SLC16A5: variants seen among roughly 807,000 people sequenced by gnomAD.
SLC16A5 encodes monocarboxylate transporter 6.
Under a neutral mutation model 33.2 loss-of-function variants are expected in SLC16A5, and 29 were observed. The ratio of observed to expected loss-of-function variants is 0.87; its 90% CI spans 0.65 to 1.19. The LOEUF (loss-of-function observed/expected upper bound fraction) is 1.19, where lower values mean the gene tolerates loss of function less well. Ranked by LOEUF, SLC16A5 falls within the 50% of genes most tolerant of loss-of-function variation. SLC16A5 has a pLI of 0.00. For synonymous variants in SLC16A5, 248 were observed against 284.1 expected, an observed-to-expected ratio of 0.87 and a Z score of 1.28; for missense variants, 606 against 678.2, an observed-to-expected ratio of 0.89 and a Z score of 1.18.
intron 2 of SLC16A5, among the ~76,000 whole-genome samples, chr17:75,089,678 C>T (rs1462916936): frequency 1.3e-5 from 2 of 150,348 alleles, no homozygotes; most frequent in African/African-American, 4.9e-5. Context: ...TGCTTGAACC[C>T]GGGAGGCAGA....
chr17:75,097,973 CCA>C, intron 3 of SLC16A5, 63 bp from the exon 4 acceptor site: 1 of 1,496,936 alleles, frequency 6.7e-7, no homozygotes, highest in Non-Finnish European at 8.8e-7. Flanking sequence ...CCCTCTCCAG[CCA>C]CTCTCCTCCT....
intron 3 of SLC16A5, 132 bp downstream of exon 3, chr17:75,093,967 C>A: frequency 7.6e-7 from 1 of 1,316,092 alleles, no homozygotes; most frequent in Non-Finnish European, 1.0e-6. Flanking sequence ...AAGGTTTCAC[C>A]AGATTTCACC....
rs1189032846 is a variant in SLC16A5 at position 75,100,708 on chromosome 17, A to G, written c.1045A>G (p.Ile349Val). ...GTCCATGAGTGGCATCGGCGCCCTC[A>G]TCTTCCAGGTTCTCATGGACATCGT... is the stretch of plus-strand genomic sequence containing the variant. ...SVSMSGIGAL[I>V]FQVLMDIVPM... The change falls in exon 5 of 7, where the codon ATC becomes GTC. Residue 349 changes from isoleucine (I) to valine (V), a missense_variant. Physicochemically the swap from Ile to Val is conservative, Grantham distance 29. Transcript: ENST00000329783. The G allele has an allele frequency of 1.2e-6, 2 of 1,614,118 alleles. No homozygotes were observed. Among genetic ancestry groups the G allele is most frequent in the African/African-American group, 1.3e-5 (1 of 75,010 alleles).
At chr17:75,100,914 C>A in intron 5 of SLC16A5, 98 bp downstream of exon 5, 1 of 1,223,138 alleles carries the variant, frequency 8.2e-7, no homozygotes, top group Non-Finnish European at 1.1e-6. Context: ...GGTTGTGCTA[C>A]AGCTGGTTTC....
intron 6 of SLC16A5, chr17:75,105,172 G>A: frequency 1.0e-6 from 1 of 985,482 alleles, no homozygotes; most frequent in Non-Finnish European, 1.2e-6. Context: ...CCTGGCGCCT[G>A]TGCAGAGAAC....
At chr17:75,095,189 G>A (rs9902958) in intron 3 of SLC16A5, among the ~76,000 whole-genome samples, 7,830 of 152,278 alleles carry the variant, frequency 0.051, 680 homozygotes, top group African/African-American at 0.17. Flanking sequence ...CGGAGAAAGC[G>A]CCACCCTCCT....
chr17:75,094,940 G>T (rs867032960), intron 3 of SLC16A5, among the ~76,000 whole-genome samples: 1 of 152,312 alleles, frequency 6.6e-6, no homozygotes, highest in Middle Eastern at 3.4e-3. Context: ...AGTCGCCGTG[G>T]ACACAGGGAC....
chr17:75,104,283 C>G lies in SLC16A5; in HGVS notation c.1364+103C>G, dbSNP rs528362171. Reference sequence around the variant, plus strand: ...GTCTCAGCCCAGCCCAGGAGGGGGACCTCTAGCTCCTTCACCAGGGGCTTG... The same window carrying G: ...GTCTCAGCCCAGCCCAGGAGGGGGAGCTCTAGCTCCTTCACCAGGGGCTTG... On this transcript the variant is annotated intron_variant, in intron 6 of 6. Transcript: ENST00000329783. 4.0e-6 allele frequency: 6 copies of G among 1,517,350 alleles called. No homozygotes were observed. In the African/African-American group the frequency reaches 8.3e-5, roughly 21 times the overall value. 94.0% of individuals were successfully genotyped at this position (1,517,350 alleles called of 1,614,324 possible).
downstream of SLC16A5, among the ~76,000 whole-genome samples, chr17:75,106,831 G>C (rs945491439): frequency 2.6e-5 from 4 of 152,050 alleles, no homozygotes; most frequent in African/African-American, 9.7e-5. Context: ...AGAGGAAGAG[G>C]TTGTGGTGAG....
At chr17:75,107,810 G>T (rs2073874062), downstream of SLC16A5, among the ~76,000 whole-genome samples, 1 of 152,114 alleles carries the variant, frequency 6.6e-6, no homozygotes, top group Admixed American at 6.5e-5. Context: ...CGTGGCGGGT[G>T]CCTGTAGTCC....
intron 1 of SLC16A5, among the ~76,000 whole-genome samples, chr17:75,088,698 G>T (rs556484351): frequency 6.6e-6 from 1 of 152,122 alleles, no homozygotes; most frequent in Non-Finnish European, 1.5e-5. Flanking sequence ...TTTCCAGCCC[G>T]GGGCTCTCCC....
intron 3 of SLC16A5, among the ~76,000 whole-genome samples, chr17:75,097,511 T>C (rs1598150219): frequency 1.4e-5 from 1 of 70,726 alleles, no homozygotes; most frequent in African/African-American, 5.7e-5. Context: ...GGCCCAGGGT[T>C]CCCCTCAGCT....
At chr17:75,101,670 T>C (rs2073801561) in intron 5 of SLC16A5, among the ~76,000 whole-genome samples, 2 of 151,528 alleles carry the variant, frequency 1.3e-5, no homozygotes, top group African/African-American at 4.8e-5. Context: ...GGTCTTGCTC[T>C]GTCACCCAGG....
At chr17:75,102,112 G>C (rs1056362729) in intron 5 of SLC16A5, among the ~76,000 whole-genome samples, 1 of 152,094 alleles carries the variant, frequency 6.6e-6, no homozygotes, top group Non-Finnish European at 1.5e-5. Context: ...TTGAGCCACA[G>C]TGCCATCTGC....
At chr17:75,104,256 CTG>C (rs2073836353) in intron 6 of SLC16A5, 76 bp downstream of exon 6, 1 of 1,561,472 alleles carries the variant, frequency 6.4e-7, no homozygotes, top group Non-Finnish European at 8.7e-7. Context: ...TGAGTGAACA[CTG>C]TCTCAGCCCA....
chr17:75,100,454 T>C lies in SLC16A5; in HGVS notation c.791T>C (p.Met264Thr). ...CAAGTCTTCCTGGTGCCATATGCCA[T>C]GTGGCACAGCGTGGACGAGCAGCAG... ...LPQVFLVPYA[M>T]WHSVDEQQAA... Residue 264 changes from methionine (M) to threonine (T), a missense_variant, in exon 5 of 7, where the codon ATG becomes ACG. By Grantham distance (81) the Met-to-Thr change is moderately conservative. Coordinates refer to ENST00000329783, the MANE Select transcript of SLC16A5 (RefSeq NM_004695.4). 1 of 1,614,252 alleles carries C rather than the reference T, an allele frequency of 6.2e-7. No homozygotes were observed. The highest frequency in any genetic ancestry group is 8.5e-7 in the Non-Finnish European group (1 of 1,180,046).
intron 5 of SLC16A5, among the ~76,000 whole-genome samples, chr17:75,102,185 A>C (rs2073808485): frequency 6.6e-6 from 1 of 152,092 alleles, no homozygotes; most frequent in African/African-American, 2.4e-5. Flanking sequence ...CTGGGTGTGC[A>C]TGGGGATCAA....
Position 75,100,746 on chromosome 17 carries a change from G to C in SLC16A5, c.1083G>C (p.Gln361His). The C allele has an allele frequency of 6.2e-7, 1 of 1,614,000 alleles. No individual in the cohort carries two copies. The highest frequency in any genetic ancestry group is 1.3e-5 in the African/African-American group (1 of 75,030). ...QVLMDIVPMD[Q>H]FPRALGLFTV... is the part of the protein sequence containing the mutation. ...TCATGGACATCGTCCCCATGGATCA[G>C]TTCCCCAGAGCCCTGGGACTCTTCA... Residue 361 changes from glutamine to histidine, a missense_variant, in exon 5 of 7, where the codon CAG becomes CAC. Coordinates refer to ENST00000329783, the MANE Select transcript of SLC16A5 (RefSeq NM_004695.4).
In SLC16A5 at chr17:75,104,471, G is replaced by C. The variant is rs2073839357; in HGVS notation, c.1364+291G>C. ...TTTCACTCTTGTTGCCCAGGCTGGA[G>C]TGCAGTGGCACCATCTCGGCTCACT... On this transcript the variant is annotated intron_variant, in intron 6 of 6. Coordinates refer to ENST00000329783, the MANE Select transcript of SLC16A5 (RefSeq NM_004695.4). The C allele has an allele frequency of 1.0e-5, 12 of 1,170,468 alleles. No homozygotes were observed. In the South Asian group the frequency reaches 2.3e-4, roughly 22 times the overall value. The allele number at this position is 1,170,468 out of a possible 1,614,324, so 72.5% of individuals were successfully genotyped here.
Sources: gnomAD v4.1 joint callset for allele counts (sites outside exome capture counted in the v4.1 genomes callset) on GRCh38, gnomAD v4.1.1 for gene constraint, MANE v1.5 for transcripts, NCBI Gene and HGNC (gene_info 2026-07-23, HGNC 2026-07-21) for gene names.